Variants in PIGN observed in about 807,000 individuals in gnomAD.
The protein encoded by PIGN is GPI ethanolamine phosphate transferase 1.
In PIGN, 117 loss-of-function variants were observed where a neutral mutation model predicts 125.4. That is an observed-to-expected ratio of 0.93 (90% CI 0.80 to 1.09). The LOEUF (loss-of-function observed/expected upper bound fraction) is 1.09, where lower values mean the gene tolerates loss of function less well. PIGN is among the 50% of genes least tolerant of loss of function. The probability of loss-of-function intolerance (pLI) is 0.00; values close to 1 mark genes in which losing one functional copy is unlikely to be tolerated. For synonymous variants in PIGN, 392 were observed against 377.8 expected (o/e 1.04, Z -0.44); for missense variants, 1,075 against 1,094.9 (o/e 0.98, Z 0.26).
intron 4 of PIGN, among the ~76,000 whole-genome samples, 180 bp downstream of exon 4, chr18:62,160,953 G>T (rs1454849582): frequency 6.6e-6 from 1 of 152,164 alleles, no homozygotes; most frequent in Admixed American, 6.6e-5. Context: ...TAACACCTAG[G>T]AGGAAATAAA....
At chr18:62,184,697 T>C (rs558649405) in intron 1 of PIGN, 58 of 152,348 alleles carry the variant, frequency 3.8e-4, no homozygotes, top group African/African-American at 1.4e-3. Context: ...TTTCAACTTG[T>C]GTTTTAGAAC....
chr18:62,157,463 G>A (rs2036781051), intron 5 of PIGN, among the ~76,000 whole-genome samples: 1 of 151,958 alleles, frequency 6.6e-6, no homozygotes, highest in African/African-American at 2.4e-5. Flanking sequence ...GGAAAATTAT[G>A]CTTCCATCCA....
chr18:62,073,704 C>A (rs56253572), intron 29 of PIGN, among the ~76,000 whole-genome samples: 1 of 152,208 alleles, frequency 6.6e-6, no homozygotes, highest in Admixed American at 6.5e-5. Flanking sequence ...TCATCTAAAC[C>A]GAGTGACTAG....
At chr18:62,051,972 T>G (rs1040411216) in intron 30 of PIGN, 2 of 152,246 alleles carry the variant, frequency 1.3e-5, no homozygotes, top group African/African-American at 4.8e-5. Flanking sequence ...CAGTAGTCAT[T>G]CAGGAGCAGG....
chr18:62,072,710 C>T lies in PIGN; in HGVS notation c.2635G>A (p.Val879Ile), dbSNP rs770276209. ...TCAAGCCAGCTGCCATAATCCTTGA[C>T]CAAGAAGAAAAAATGCTGTAAAAAA... ...DIMALHFFFL[V>I]KDYGSWLDIG... Residue 879 changes from valine to isoleucine, a missense_variant, in exon 30 of 31, where the codon GTC (valine) becomes ATC (isoleucine). By Grantham distance (29) the Val-to-Ile change is conservative. This residue lies in a region of PIGN where 915 missense variants were observed against 908.7 expected (regional missense o/e 1.01). Transcript: ENST00000640252. 1.3e-6 allele frequency: 2 copies of T among 1,577,042 alleles called. No individual in the cohort carries two copies. Among genetic ancestry groups the T allele is most frequent in the Admixed American group, 1.8e-5 (1 of 54,204 alleles).
intron 30 of PIGN, among the ~76,000 whole-genome samples, chr18:62,053,431 C>T (rs575661188): frequency 7.2e-5 from 11 of 152,252 alleles, no homozygotes; most frequent in African/African-American, 2.4e-4. Context: ...AAATGGCAGA[C>T]TTAAGCCCTA....
chr18:62,109,712 G>C (rs2034797549), intron 17 of PIGN, 122 bp downstream of exon 17: 1 of 732,078 alleles, frequency 1.4e-6, no homozygotes, highest in Non-Finnish European at 2.2e-6. Flanking sequence ...GGGACTGGAG[G>C]TTTGAAAGTA....
intron 1 of PIGN, chr18:62,174,481 T>TAA (rs1478352985): frequency 1.3e-5 from 2 of 152,150 alleles, no homozygotes; most frequent in African/African-American, 4.8e-5. Context: ...AGTCAAACTT[T>TAA]GAGTTCACAA....
In PIGN at chr18:62,157,227, C is replaced by T. The variant is rs766376855; in HGVS notation, c.344G>A (p.Gly115Glu). 7 of 1,567,956 alleles carry T rather than the reference C, an allele frequency of 4.5e-6. No individual in the cohort carries two copies. The South Asian group carries it at 7.9e-5, about 18-fold the overall frequency. ...FYEDVSAVAK[G>E]WKENPVEFDS... ...AAACTCTACAGGATTTTCCTTCCAT[C>T]CTTCAGAAAGCAAGCAAGCAGTAAT... Residue 115 changes from glycine to glutamate, a missense_variant and splice_region_variant, in exon 6 of 31, where the codon GGA becomes GAA. Gly to Glu is a moderately conservative substitution (Grantham distance 98, BLOSUM62 -2). This residue lies in a region of PIGN where 152 missense variants were observed against 162.9 expected (regional missense o/e 0.93). Transcript: ENST00000640252.
At chr18:62,123,148 G>A (rs1188639621) in intron 14 of PIGN, among the ~76,000 whole-genome samples, 1 of 152,130 alleles carries the variant, frequency 6.6e-6, no homozygotes, top group Non-Finnish European at 1.5e-5. Flanking sequence ...GCTGAGGCAG[G>A]AGGACAGCTT....
intron 23 of PIGN, among the ~76,000 whole-genome samples, chr18:62,028,129 C>G (rs1395713335): frequency 6.6e-6 from 1 of 152,186 alleles, no homozygotes; most frequent in Non-Finnish European, 1.5e-5. Flanking sequence ...CCACTTCCAG[C>G]TCTTTCCCCT....
intron 14 of PIGN, among the ~76,000 whole-genome samples, chr18:62,116,352 T>C (rs982191849): frequency 6.6e-6 from 1 of 152,178 alleles, no homozygotes; most frequent in Non-Finnish European, 1.5e-5. Context: ...ACTGATTGCA[T>C]CCTCTCACTT....
intron 14 of PIGN, among the ~76,000 whole-genome samples, chr18:62,134,740 A>G (rs1196114620): frequency 3.9e-5 from 6 of 152,218 alleles, no homozygotes; most frequent in Admixed American, 3.9e-4. Flanking sequence ...TAAAGCCTTG[A>G]TCCACATGAC....
chr18:62,022,572 A>T (rs2030065380), intron 23 of PIGN, among the ~76,000 whole-genome samples: 1 of 152,228 alleles, frequency 6.6e-6, no homozygotes, highest in African/African-American at 2.4e-5. Flanking sequence ...ACTGTATTAA[A>T]CACTCTTAAT....
chr18:62,035,315 C>A (rs759143562), intron 23 of PIGN, among the ~76,000 whole-genome samples: 8 of 152,118 alleles, frequency 5.3e-5, no homozygotes, highest in Non-Finnish European at 2.9e-5. Context: ...AAAGCAATGG[C>A]AAATTAATCT....
In PIGN at chr18:62,140,571, T is replaced by C. The variant is rs2036098163; in HGVS notation, c.964-92A>G. ...GCAACCATATTTTGGAAAATAACCA[T>C]GATATTTGTTATAATCAGTTACCTT... On this transcript the variant is annotated intron_variant, in intron 11 of 30. Transcript: ENST00000640252. 6 of 638,836 alleles carry C rather than the reference T, an allele frequency of 9.4e-6. No homozygotes were observed. The Middle Eastern group carries it at 9.9e-4, about 105-fold the overall frequency. 39.6% of individuals were successfully genotyped at this position (638,836 alleles called of 1,614,324 possible).
At chr18:62,027,233 G>T (rs2030134573) in intron 23 of PIGN, among the ~76,000 whole-genome samples, 2 of 152,086 alleles carry the variant, frequency 1.3e-5, no homozygotes, top group South Asian at 4.2e-4. Context: ...AGGCCGAGAG[G>T]AGAAGATCCC....
chr18:62,108,987 G>T (rs1348713667), intron 17 of PIGN, among the ~76,000 whole-genome samples: 1 of 152,134 alleles, frequency 6.6e-6, no homozygotes, highest in Non-Finnish European at 1.5e-5. Flanking sequence ...ATAGTGTCAC[G>T]ATGCACATGT....
At chr18:62,138,350 T>C in intron 13 of PIGN, 52 bp from the exon 14 acceptor site, 1 of 1,507,368 alleles carries the variant, frequency 6.6e-7, no homozygotes, top group East Asian at 2.5e-5. Flanking sequence ...TGAATTCCAT[T>C]TTGAAATATA....
Sources: allele counts gnomAD v4.1 joint callset (sites outside exome capture counted in the v4.1 genomes callset), GRCh38; gene constraint gnomAD v4.1.1; regional missense constraint gnomAD v4.1.1; transcripts MANE v1.5; gene names NCBI Gene and HGNC (gene_info 2026-07-23, HGNC 2026-07-21).